Variants in CDH13 observed in about 807,000 individuals in gnomAD.
CDH13 encodes cadherin-13.
In CDH13, 24 loss-of-function variants were observed where a neutral mutation model predicts 63.8. That is an observed-to-expected ratio of 0.38 (90% CI 0.27 to 0.53). The LOEUF is 0.53. CDH13 is among the 20% of genes least tolerant of loss of function. The probability of loss-of-function intolerance (pLI) is 0.85; values close to 1 mark genes in which losing one functional copy is unlikely to be tolerated. For missense variants in CDH13, 1,049 were observed against 903.1 expected (o/e 1.16, Z -2.07); for synonymous variants, 503 against 355.3 (o/e 1.42, Z -4.67).
intron 6 of CDH13, among the ~76,000 whole-genome samples, chr16:83,420,092 G>A (rs184763390): frequency 2.6e-5 from 4 of 151,996 alleles, no homozygotes; most frequent in African/African-American, 9.7e-5. Flanking sequence ...GAAAAGATGA[G>A]CAGAATAAAA....
intron 2 of CDH13, among the ~76,000 whole-genome samples, chr16:82,915,315 T>C (rs1157107669): frequency 6.6e-6 from 1 of 152,196 alleles, no homozygotes; most frequent in East Asian, 1.9e-4. Context: ...AGAATGTCTT[T>C]TTGTGACAGT....
chr16:83,101,719 G>A (rs978576234), intron 3 of CDH13, among the ~76,000 whole-genome samples: 1 of 152,168 alleles, frequency 6.6e-6, no homozygotes, highest in Non-Finnish European at 1.5e-5. Flanking sequence ...AATTGAACCT[G>A]GGAGGCAGAG....
intron 2 of CDH13, among the ~76,000 whole-genome samples, chr16:82,910,937 CA>C (rs2041810195): frequency 6.6e-6 from 1 of 152,088 alleles, no homozygotes; most frequent in Non-Finnish European, 1.5e-5. Flanking sequence ...AAGAACATGA[CA>C]GGGGTTTCTT....
At position 82,805,327 on chromosome 16, in the gene CDH13, G is replaced by A. The variant is rs111903253; in HGVS notation, c.46-53035G>A. On this transcript the variant is annotated intron_variant, in intron 1 of 13. Transcript: ENST00000567109. ...AAAACAAAGTAACTGTAAATTTGTG[G>A]AACTTTTGGTCTTTCTTCTCATTTG... Among the ~76,000 whole-genome samples, 7 of 152,294 alleles carry A rather than the reference G, an allele frequency of 4.6e-5. 1 individual carries two copies. Among genetic ancestry groups the A allele is most frequent in the African/African-American group, 1.7e-4 (7 of 41,568 alleles).
intron 8 of CDH13, among the ~76,000 whole-genome samples, chr16:83,663,438 T>C (rs1203639953): frequency 1.3e-5 from 2 of 152,228 alleles, no homozygotes; most frequent in South Asian, 2.1e-4. Context: ...ACTTTCCTTT[T>C]TCTTAGGAGA....
In CDH13 at chr16:83,217,515, A is replaced by G; in HGVS notation, c.636+18A>G. On this transcript the variant is annotated intron_variant, in intron 5 of 13. Coordinates refer to ENST00000567109, the MANE Select transcript of CDH13 (RefSeq NM_001257.5). ...TTTATCAAGTGAGTACCCCTCTCCC[A>G]TGCCCACCCTGTGCGCAGAAATGTG... 6.2e-7 allele frequency: 1 copy of G among 1,607,292 alleles called. No homozygotes were observed. Among genetic ancestry groups the G allele is most frequent in the East Asian group, 2.2e-5 (1 of 44,702 alleles).
chr16:83,589,613 A>G (rs1024310029), intron 7 of CDH13, among the ~76,000 whole-genome samples: 1 of 152,062 alleles, frequency 6.6e-6, no homozygotes. Context: ...GCCATAGAAG[A>G]TACGAGAGCT....
chr16:83,755,158 A>G (rs1273207942), intron 11 of CDH13, among the ~76,000 whole-genome samples: 1 of 152,196 alleles, frequency 6.6e-6, no homozygotes, highest in Non-Finnish European at 1.5e-5. Context: ...TTTAAGAAGG[A>G]ATCAGATAGA....
chr16:83,689,309 G>A (rs1904615626), intron 10 of CDH13, among the ~76,000 whole-genome samples: 1 of 151,812 alleles, frequency 6.6e-6, no homozygotes, highest in Admixed American at 6.6e-5. Flanking sequence ...AAACCCATTT[G>A]AAATAGATAA....
chr16:82,722,521 C>A (rs1489268434), intron 1 of CDH13, among the ~76,000 whole-genome samples: 2 of 152,116 alleles, frequency 1.3e-5, no homozygotes, highest in African/African-American at 2.4e-5. Flanking sequence ...AGATGAACTG[C>A]TGGAATTGGC....
At chr16:82,818,498 C>T (rs28666061) in intron 1 of CDH13, among the ~76,000 whole-genome samples, 68,449 of 152,036 alleles carry the variant, frequency 0.45, 16,773 homozygotes, top group East Asian at 0.9. Flanking sequence ...GAAAAAGTTA[C>T]ATGAGCACAT....
At chr16:83,375,618 G>T (rs2091446564) in intron 6 of CDH13, among the ~76,000 whole-genome samples, 2 of 152,130 alleles carry the variant, frequency 1.3e-5, no homozygotes, top group African/African-American at 4.8e-5. Flanking sequence ...AAGAGAGATG[G>T]GTAAATATCC....
intron 4 of CDH13, among the ~76,000 whole-genome samples, chr16:83,210,451 G>T (rs1008044649): frequency 6.6e-6 from 1 of 152,136 alleles, no homozygotes; most frequent in African/African-American, 2.4e-5. Context: ...TAGGACAGGA[G>T]ATGGGATAAA....
At chr16:83,174,928 C>G (rs1216315839) in intron 4 of CDH13, among the ~76,000 whole-genome samples, 4 of 152,084 alleles carry the variant, frequency 2.6e-5, no homozygotes, top group African/African-American at 9.7e-5. Flanking sequence ...ATGAGAACAG[C>G]TTGGGGGAAC....
At chr16:83,401,210 C>T (rs966794812) in intron 6 of CDH13, among the ~76,000 whole-genome samples, 5 of 151,874 alleles carry the variant, frequency 3.3e-5, no homozygotes, top group African/African-American at 9.7e-5. Context: ...GTGGTGTGTG[C>T]GCCTGTAATC....
At chr16:82,696,580 C>T (rs62036336) in intron 1 of CDH13, among the ~76,000 whole-genome samples, 1 of 152,054 alleles carries the variant, frequency 6.6e-6, no homozygotes, top group Non-Finnish European at 1.5e-5. Context: ...ATCAGAATGC[C>T]CATAGCTCAT....
At chr16:82,914,620 T>C (rs1597204521) in intron 2 of CDH13, among the ~76,000 whole-genome samples, 1 of 152,300 alleles carries the variant, frequency 6.6e-6, no homozygotes, top group African/African-American at 2.4e-5. Flanking sequence ...AAAGTTATGA[T>C]GATCTTTTAA....
At chr16:83,365,722 T>C (rs1260977947) in intron 6 of CDH13, among the ~76,000 whole-genome samples, 1 of 152,188 alleles carries the variant, frequency 6.6e-6, no homozygotes, top group Non-Finnish European at 1.5e-5. Context: ...AGAAGAGAGA[T>C]GCAGCAGCAG....
At chr16:83,236,762 A>G (rs1292698058) in intron 5 of CDH13, among the ~76,000 whole-genome samples, 1 of 152,220 alleles carries the variant, frequency 6.6e-6, no homozygotes, top group East Asian at 1.9e-4. Context: ...TACAGCCATA[A>G]AAAGGAATAG....
Sources: gnomAD v4.1 joint callset for allele counts (sites outside exome capture counted in the v4.1 genomes callset) on GRCh38, gnomAD v4.1.1 for gene constraint, MANE v1.5 for transcripts, NCBI Gene and HGNC (gene_info 2026-07-23, HGNC 2026-07-21) for gene names.